SLC39A11: variants seen among roughly 807,000 people sequenced by gnomAD.
The protein encoded by SLC39A11 is solute carrier family 39 member 11.
SLC39A11 carries 33 observed loss-of-function variants against 36.1 expected under a neutral mutation model. The observed-to-expected ratio is 0.91, with a 90% CI of 0.69 to 1.22. The LOEUF is 1.22. SLC39A11 is among the 50% of genes most tolerant of loss of function. The pLI, the probability that SLC39A11 is intolerant of heterozygous loss-of-function variation, is 0.00. For missense variants in SLC39A11, 432 were observed against 430.3 expected (o/e 1.00, Z -0.03); for synonymous variants, 166 against 170.3 (o/e 0.97, Z 0.20).
chr17:72,764,242 T>C (rs937311206), intron 6 of SLC39A11, among the ~76,000 whole-genome samples: 3 of 152,084 alleles, frequency 2.0e-5, no homozygotes, highest in Non-Finnish European at 2.9e-5. Flanking sequence ...GGCTGACCTT[T>C]GGGGAGGTGG....
intron 5 of SLC39A11, among the ~76,000 whole-genome samples, chr17:72,904,608 A>T (rs1211675613): frequency 6.6e-6 from 1 of 152,198 alleles, no homozygotes; most frequent in African/African-American, 2.4e-5. Context: ...GGCCTTTGCC[A>T]CTGAAGGAAT....
At position 72,744,822 on chromosome 17, in the gene SLC39A11, G is replaced by T. The variant is rs535266545; in HGVS notation, c.602-8103C>A. On this transcript the variant is annotated intron_variant, in intron 6 of 9. Coordinates refer to ENST00000255559, the MANE Select transcript of SLC39A11 (RefSeq NM_139177.4). ...ACTTCCTGATACCATCGCATTGGGG[G>T]TTAGCATCTCAGCATACACATCTTT... Among the ~76,000 whole-genome samples, 5 of 152,324 alleles carry T rather than the reference G, an allele frequency of 3.3e-5. No homozygotes were observed. The South Asian group carries it at 1.0e-3, about 32-fold the overall frequency.
chr17:72,805,577 G>C (rs2077223034), intron 6 of SLC39A11, among the ~76,000 whole-genome samples: 1 of 152,096 alleles, frequency 6.6e-6, no homozygotes, highest in South Asian at 2.1e-4. Context: ...TCCCGCCCTG[G>C]ATCAGTGAGA....
chr17:72,891,328 C>T (rs1295495046), intron 5 of SLC39A11, among the ~76,000 whole-genome samples: 3 of 152,032 alleles, frequency 2.0e-5, no homozygotes, highest in Non-Finnish European at 2.9e-5. Flanking sequence ...GGCTGAGGCA[C>T]GAGAATCGCT....
intron 3 of SLC39A11, among the ~76,000 whole-genome samples, chr17:73,077,180 T>A (rs1599170249): frequency 6.6e-6 from 1 of 152,330 alleles, no homozygotes; most frequent in Admixed American, 6.5e-5. Context: ...GAAACATGTA[T>A]GAGAATCCAC....
chr17:72,994,880 G>C (rs1255225816), intron 4 of SLC39A11, among the ~76,000 whole-genome samples: 1 of 152,082 alleles, frequency 6.6e-6, no homozygotes, highest in Non-Finnish European at 1.5e-5. Context: ...GTGAAGGAGG[G>C]GGTTATTTGG....
At chr17:72,814,341 G>C (rs2145440336) in intron 6 of SLC39A11, among the ~76,000 whole-genome samples, 1 of 152,306 alleles carries the variant, frequency 6.6e-6, no homozygotes, top group South Asian at 2.1e-4. Context: ...GGCCCCCAGT[G>C]GTCCCATGGA....
chr17:72,808,203 G>T (rs1310084180), intron 6 of SLC39A11, among the ~76,000 whole-genome samples: 1 of 152,220 alleles, frequency 6.6e-6, no homozygotes, highest in African/African-American at 2.4e-5. Flanking sequence ...GTTGGGTGGG[G>T]AACTACCATC....
intron 5 of SLC39A11, among the ~76,000 whole-genome samples, chr17:72,941,215 G>C (rs1016673249): frequency 3.9e-5 from 6 of 152,224 alleles, no homozygotes; most frequent in African/African-American, 1.2e-4. Flanking sequence ...TGAGGCTACA[G>C]TGAGCCATGA....
chr17:73,005,915 C>A (rs1348587088), intron 4 of SLC39A11, among the ~76,000 whole-genome samples: 1 of 152,134 alleles, frequency 6.6e-6, no homozygotes, highest in Non-Finnish European at 1.5e-5. Context: ...CACACCACTG[C>A]ACTCCAGCCT....
chr17:72,840,994 G>A (rs1212626660), intron 6 of SLC39A11, among the ~76,000 whole-genome samples: 8 of 152,160 alleles, frequency 5.3e-5, no homozygotes, highest in Non-Finnish European at 1.0e-4. Context: ...GACGGAGCTT[G>A]CAGTGAGCTG....
intron 7 of SLC39A11, among the ~76,000 whole-genome samples, chr17:72,691,526 C>T (rs1304656417): frequency 2.0e-5 from 3 of 152,194 alleles, no homozygotes; most frequent in Non-Finnish European, 2.9e-5. Context: ...TTGACGGTTT[C>T]GTCCTCATTC....
chr17:72,886,550 G>A (rs945370845), intron 5 of SLC39A11, among the ~76,000 whole-genome samples: 4 of 151,946 alleles, frequency 2.6e-5, no homozygotes, highest in South Asian at 2.1e-4. Flanking sequence ...CACTACAAAC[G>A]CATCCTCCAA....
chr17:72,846,023 T>TTTA (rs2079039672), intron 6 of SLC39A11, among the ~76,000 whole-genome samples: 1 of 105,882 alleles, frequency 9.4e-6, no homozygotes, highest in African/African-American at 3.9e-5. Context: ...TCTCTCTTTT[T>TTTA]TTTTTTTTTT....
chr17:72,915,327 C>T (rs934997411), intron 5 of SLC39A11, among the ~76,000 whole-genome samples: 1 of 152,176 alleles, frequency 6.6e-6, no homozygotes, highest in South Asian at 2.1e-4. Flanking sequence ...CTGTAGCCCA[C>T]CAGAATTGTT....
At chr17:73,070,574 T>C (rs758268560) in intron 3 of SLC39A11, among the ~76,000 whole-genome samples, 2 of 152,134 alleles carry the variant, frequency 1.3e-5, no homozygotes, top group African/African-American at 2.4e-5. Context: ...AGAACAGGGG[T>C]TCCCGGCTTT....
intron 7 of SLC39A11, among the ~76,000 whole-genome samples, chr17:72,732,025 T>TTTC (rs1555651318): frequency 4.3e-5 from 4 of 93,856 alleles, no homozygotes; most frequent in African/African-American, 7.1e-5. Flanking sequence ...TTTCTTTATT[T>TTTC]TTTTCTTTTC....
At chr17:73,011,178 G>A (rs1165656314) in intron 4 of SLC39A11, among the ~76,000 whole-genome samples, 1 of 152,210 alleles carries the variant, frequency 6.6e-6, no homozygotes, top group Non-Finnish European at 1.5e-5. Context: ...AGAGCCTTGT[G>A]GGGAAGAAAT....
chr17:73,083,157 A>G (rs2060603176), intron 3 of SLC39A11, among the ~76,000 whole-genome samples: 1 of 152,168 alleles, frequency 6.6e-6, no homozygotes, highest in Admixed American at 6.5e-5. Context: ...GTTATAAGGC[A>G]AGAGCATCTT....
Sources: allele counts gnomAD v4.1 joint callset (sites outside exome capture counted in the v4.1 genomes callset), GRCh38; gene constraint gnomAD v4.1.1; transcripts MANE v1.5; gene names NCBI Gene and HGNC (gene_info 2026-07-23, HGNC 2026-07-21).